CAST: variants seen among roughly 807,000 people sequenced by gnomAD.
The protein encoded by CAST is MIR583 host.
Under a neutral mutation model 119.6 loss-of-function variants are expected in CAST, and 76 were observed. That is an observed-to-expected ratio of 0.64 (90% CI 0.53 to 0.77). The LOEUF (loss-of-function observed/expected upper bound fraction) is 0.77, where lower values mean the gene tolerates loss of function less well. CAST is among the 30% of genes least tolerant of loss of function. The pLI is 0.00. For missense variants in CAST, 953 were observed against 946.5 expected (o/e 1.01, Z -0.09); for synonymous variants, 319 against 331.6 (o/e 0.96, Z 0.41).
At chr5:96,128,534 A>C in the CAST span, among the ~76,000 whole-genome samples, 3 of 152,032 alleles carry the variant, frequency 2.0e-5, no homozygotes, top group East Asian at 3.9e-4. Context: ...CCCTCAATTT[A>C]ACCTTGCTTT....
At chr5:96,090,905 AGAG>A in the CAST span, among the ~76,000 whole-genome samples, 8 of 152,120 alleles carry the variant, frequency 5.3e-5, 1 homozygote, top group African/African-American at 1.9e-4. Flanking sequence ...TCAAGTCCAC[AGAG>A]GAGGACTGAG....
At chr5:96,185,612 T>C in the CAST span, among the ~76,000 whole-genome samples, 26 of 152,220 alleles carry the variant, frequency 1.7e-4, no homozygotes, top group African/African-American at 5.8e-4. Flanking sequence ...GGGAGTCCTT[T>C]CTCCATTGCA....
chr5:96,345,305 C>T, the CAST span, among the ~76,000 whole-genome samples: 9 of 151,360 alleles, frequency 5.9e-5, no homozygotes, highest in South Asian at 1.5e-3. Context: ...TTGAAGAGTC[C>T]CTAATCTATG....
intron 1 of CAST, among the ~76,000 whole-genome samples, chr5:96,631,345 A>T (rs1043494058): frequency 1.4e-4 from 20 of 141,018 alleles, no homozygotes; most frequent in African/African-American, 4.5e-4. Context: ...TTTAATACAA[A>T]TGTAATCATA....
the CAST span, among the ~76,000 whole-genome samples, chr5:96,276,955 A>G: frequency 6.6e-6 from 1 of 152,188 alleles, no homozygotes; most frequent in Non-Finnish European, 1.5e-5. Context: ...CCATTTTGCA[A>G]CTTTAGATTG....
chr5:96,469,161 A>G, the CAST span, among the ~76,000 whole-genome samples: 4 of 152,098 alleles, frequency 2.6e-5, no homozygotes, highest in Non-Finnish European at 5.9e-5. Context: ...GTCTAAAAGT[A>G]ATTCCTGTGG....
chr5:96,313,124 AC>A, the CAST span, among the ~76,000 whole-genome samples: 1 of 152,170 alleles, frequency 6.6e-6, no homozygotes, highest in East Asian at 1.9e-4. Flanking sequence ...CCATAATCAA[AC>A]AAAAAATCAA....
chr5:95,974,431 C>A, the CAST span, among the ~76,000 whole-genome samples: 1 of 152,202 alleles, frequency 6.6e-6, no homozygotes. Flanking sequence ...ATGTTGTTTT[C>A]ATCAAGTGTT....
the CAST span, among the ~76,000 whole-genome samples, chr5:96,215,773 TAAA>T: frequency 6.6e-6 from 1 of 152,204 alleles, no homozygotes; most frequent in East Asian, 1.9e-4. Context: ...TTTCACCTAA[TAAA>T]TAATAAATAT....
the CAST span, among the ~76,000 whole-genome samples, chr5:96,491,294 G>T: frequency 6.7e-6 from 1 of 149,634 alleles, no homozygotes; most frequent in African/African-American, 2.5e-5. Context: ...GACCATCCTG[G>T]CTAACACGGT....
the CAST span, among the ~76,000 whole-genome samples, chr5:95,971,376 A>G: frequency 6.6e-5 from 10 of 152,338 alleles, no homozygotes; most frequent in Admixed American, 4.6e-4. Context: ...CTTTAAAAAT[A>G]GAAAATTTGA....
intron 1 of CAST, among the ~76,000 whole-genome samples, chr5:96,666,614 C>T (rs1749371950): frequency 6.6e-6 from 1 of 152,198 alleles, no homozygotes; most frequent in Non-Finnish European, 1.5e-5. Flanking sequence ...AGGGCATAGA[C>T]TTTAGGGTAA....
the CAST span, among the ~76,000 whole-genome samples, chr5:96,313,177 A>T: frequency 6.6e-6 from 1 of 152,188 alleles, no homozygotes; most frequent in Admixed American, 6.6e-5. Context: ...TGTCTTAGAC[A>T]TAAAAGTTTA....
At chr5:96,400,286 T>G in the CAST span, 2 of 798,040 alleles carry the variant, frequency 2.5e-6, no homozygotes, top group East Asian at 4.9e-5. Context: ...GATTATGAAG[T>G]GCCTTTTGCT....
chr5:96,263,428 T>G, the CAST span, among the ~76,000 whole-genome samples: 1 of 152,040 alleles, frequency 6.6e-6, no homozygotes, highest in Non-Finnish European at 1.5e-5. Context: ...CCATTATGGA[T>G]GGATGGAGCA....
the CAST span, among the ~76,000 whole-genome samples, chr5:95,971,934 G>A: frequency 1.3e-5 from 2 of 150,160 alleles, no homozygotes; most frequent in African/African-American, 4.9e-5. Flanking sequence ...ATGTAAATAT[G>A]TCTTCTTTGT....
the CAST span, among the ~76,000 whole-genome samples, chr5:96,365,353 A>C: frequency 6.6e-6 from 1 of 152,288 alleles, no homozygotes; most frequent in African/African-American, 2.4e-5. Context: ...CTTGGTGCAG[A>C]GCTGAGTTCA....
chr5:96,588,196 C>CTTTTTTTTTTTTTTTTTTTTTTTTTTTT (rs140665192), intron 1 of CAST, among the ~76,000 whole-genome samples: 1 of 75,826 alleles, frequency 1.3e-5, no homozygotes, highest in African/African-American at 6.2e-5. Flanking sequence ...TTCTTTCTTT[C>CTTTTTTTTTTTTTTTTTTTTTTTTTTTT]TTTTTTTTTT....
the CAST span, among the ~76,000 whole-genome samples, chr5:96,174,736 T>C: frequency 6.6e-6 from 1 of 152,222 alleles, no homozygotes; most frequent in Non-Finnish European, 1.5e-5. Context: ...CCAATCAAAA[T>C]AAGTAAAAAT....
Sources: allele counts gnomAD v4.1 joint callset (sites outside exome capture counted in the v4.1 genomes callset), GRCh38; gene constraint gnomAD v4.1.1; transcripts MANE v1.5; gene names NCBI Gene and HGNC (gene_info 2026-07-23, HGNC 2026-07-21).